The following NRG2 variants were observed in gnomAD, a reference collection of about 807,000 sequenced individuals.
NRG2 encodes the protein neuregulin 2.
In NRG2, 27 loss-of-function variants were observed where a neutral mutation model predicts 73.9. The observed-to-expected ratio is 0.37, with a 90% confidence interval of 0.27 to 0.50. The LOEUF (loss-of-function observed/expected upper bound fraction) is 0.50. NRG2 is among the 20% of genes least tolerant of loss of function. The probability of loss-of-function intolerance (pLI) is 0.96; values close to 1 mark genes in which losing one functional copy is unlikely to be tolerated. For synonymous variants in NRG2, 532 were observed against 541.0 expected (o/e 0.98, Z 0.23); for missense variants, 1,126 against 1,210.1 (o/e 0.93, Z 1.03).
chr5:139,952,170 C>T (rs1348403735), intron 1 of NRG2, among the ~76,000 whole-genome samples: 1 of 152,218 alleles, frequency 6.6e-6, no homozygotes, highest in Admixed American at 6.5e-5. Flanking sequence ...CAGTGCCTGA[C>T]ACATAGTTGG....
At chr5:140,000,240 C>A (rs1180387246) in intron 1 of NRG2, among the ~76,000 whole-genome samples, 1 of 152,176 alleles carries the variant, frequency 6.6e-6, no homozygotes, top group East Asian at 1.9e-4. Flanking sequence ...GCATTCTCTC[C>A]CTTATAATTT....
intron 1 of NRG2, among the ~76,000 whole-genome samples, chr5:139,929,979 T>C (rs59270745): frequency 0.013 from 1,952 of 152,332 alleles, 31 homozygotes; most frequent in African/African-American, 0.044. Flanking sequence ...GAATTCGTGA[T>C]GTCACATAGG....
intron 1 of NRG2, among the ~76,000 whole-genome samples, chr5:139,925,137 G>T (rs1751957332): frequency 6.6e-6 from 1 of 152,204 alleles, no homozygotes. Flanking sequence ...GAGTGTGTCA[G>T]TTCATCCATA....
At chr5:139,859,878 A>G (rs1350588538) in intron 5 of NRG2, 6 of 1,611,724 alleles carry the variant, frequency 3.7e-6, no homozygotes, top group Non-Finnish European at 4.2e-6. Context: ...TGACACACAG[A>G]GGTTTCATAC....
intron 1 of NRG2, among the ~76,000 whole-genome samples, chr5:139,970,218 A>G (rs79269031): frequency 2.4e-4 from 36 of 152,372 alleles, no homozygotes; most frequent in East Asian, 2.1e-3. Context: ...TAAAACATCA[A>G]CCAAGATGGT....
Position 139,850,985 on chromosome 5 carries a change from C to CT in NRG2, c.1772+618dup, listed in dbSNP as rs796642299. Among the ~76,000 whole-genome samples, 750 of 144,624 alleles carry CT rather than the reference C, an allele frequency of 5.2e-3. 4 individuals carry two copies. The highest frequency in any genetic ancestry group is 0.013 in the African/African-American group (533 of 39,532). 94.9% of individuals were successfully genotyped at this position (144,624 alleles called of 152,430 possible). Reference sequence around the variant, plus strand: ...TTGTCCAGAACAGCCCCTGTTTGTTCTTTTTTTTTTTTTCTTTTTGTAAAG... The same window carrying CT: ...TTGTCCAGAACAGCCCCTGTTTGTTCTTTTTTTTTTTTTTCTTTTTGTAAAG... On this transcript the variant is annotated intron_variant, in intron 9 of 9. Transcript: ENST00000361474.
chr5:140,043,034 C>T lies in NRG2; in HGVS notation c.36G>A (p.Pro12=). The T allele has an allele frequency of 2.6e-6, 4 of 1,536,982 alleles. No homozygotes were observed. The highest frequency in any genetic ancestry group is 1.4e-5 in the African/African-American group (1 of 72,906). ...RQVCCSALPP[P]PLEKGRCSSY... ...TGCTGCACCGACCCTTCTCCAGTGG[C>T]GGCGGCGGCAGCGCTGAGCAGCAAA... The change falls in exon 1 of 10, where the codon CCG becomes CCA. Residue 12 remains proline (P), a synonymous_variant. Coordinates refer to ENST00000361474, the MANE Select transcript of NRG2 (RefSeq NM_004883.3). This position sits in a 1 kb window ranked among gnomAD's most constrained non-coding sequence, Gnocchi z 6.7.
intron 1 of NRG2, among the ~76,000 whole-genome samples, chr5:140,041,804 C>T (rs1761941286): frequency 6.6e-6 from 1 of 152,116 alleles, no homozygotes; most frequent in Non-Finnish European, 1.5e-5. Context: ...CAGAAAAAGT[C>T]CAACTCTGCC....
chr5:139,894,805 G>A lies in NRG2; in HGVS notation c.701-7294C>T, dbSNP rs1764453074. Among the ~76,000 whole-genome samples, 1 of 152,198 alleles carries A rather than the reference G, an allele frequency of 6.6e-6. No homozygotes were observed. Among genetic ancestry groups the A allele is most frequent in the South Asian group, 2.1e-4 (1 of 4,834 alleles). Reference sequence around the variant, plus strand: ...GGTGTCGGGTTGGTCTCTGCCTCCTGTTTAGGGCTCCCACAGAGGCTGATC... The same window carrying A: ...GGTGTCGGGTTGGTCTCTGCCTCCTATTTAGGGCTCCCACAGAGGCTGATC... On this transcript the variant is annotated intron_variant, in intron 1 of 9. Transcript: ENST00000361474. This position sits in a 1 kb window ranked among gnomAD's most constrained non-coding sequence, Gnocchi z 5.0.
chr5:139,884,982 CCA>C (rs1763772243), intron 2 of NRG2, among the ~76,000 whole-genome samples: 1 of 151,998 alleles, frequency 6.6e-6, no homozygotes, highest in Non-Finnish European at 1.5e-5. Context: ...TCTGGTTGAG[CCA>C]CAGTTGAGAG....
intron 1 of NRG2, among the ~76,000 whole-genome samples, chr5:140,036,618 C>T (rs1761526459): frequency 6.6e-6 from 1 of 152,208 alleles, no homozygotes; most frequent in African/African-American, 2.4e-5. Flanking sequence ...AATTCATAAA[C>T]TGGACTTATT....
rs747268987 is a variant in NRG2 at position 139,904,416 on chromosome 5, C to T, written c.701-16905G>A. On this transcript the variant is annotated intron_variant, in intron 1 of 9. Coordinates refer to ENST00000361474, the MANE Select transcript of NRG2 (RefSeq NM_004883.3). The surrounding 1 kb of genome is among the most constrained non-coding windows in gnomAD (Gnocchi z 6.0). ...CCGACATTCTGCACGGGGTCCCAGG[C>T]GGTGGGACGGCCTCAGCTCTCCGCT... is the stretch of plus-strand genomic sequence containing the variant. 12 of 1,437,924 alleles carry T rather than the reference C, an allele frequency of 8.3e-6. No homozygotes were observed. Among genetic ancestry groups the T allele is most frequent in the Non-Finnish European group, 9.6e-6 (10 of 1,045,328 alleles). The allele number at this position is 1,437,924 out of a possible 1,614,324, so 89.1% of individuals were successfully genotyped here. A position where few individuals can be genotyped will look rare whatever the true frequency, so the allele number is the denominator to read the frequency against.
At chr5:139,885,876 C>G (rs968336822) in intron 2 of NRG2, among the ~76,000 whole-genome samples, 1 of 151,990 alleles carries the variant, frequency 6.6e-6, no homozygotes, top group Non-Finnish European at 1.5e-5. Context: ...AGGGGAGAAA[C>G]CATCTTCTAG....
chr5:139,904,268 C>G lies in NRG2; in HGVS notation c.701-16757G>C. The G allele has an allele frequency of 6.3e-7, 1 of 1,577,218 alleles. No individual in the cohort carries two copies. On this transcript the variant is annotated intron_variant, in intron 1 of 9. Coordinates refer to ENST00000361474, the MANE Select transcript of NRG2 (RefSeq NM_004883.3). The surrounding 1 kb of genome is among the most constrained non-coding windows in gnomAD (Gnocchi z 6.0). Reference sequence around the variant, plus strand: ...GGGTGAGCGGGCGGCAGGTTTCTCCCAGGGAAACCGGGTTTCTGGGCGCGC... The same window carrying G: ...GGGTGAGCGGGCGGCAGGTTTCTCCGAGGGAAACCGGGTTTCTGGGCGCGC...
chr5:139,930,794 G>A (rs1752417595), intron 1 of NRG2, among the ~76,000 whole-genome samples: 1 of 152,220 alleles, frequency 6.6e-6, no homozygotes, highest in East Asian at 1.9e-4. Context: ...CACAGCCAGG[G>A]CTAAAGCAGA....
intron 1 of NRG2, among the ~76,000 whole-genome samples, chr5:139,951,117 G>GC (rs1235464047): frequency 6.6e-6 from 1 of 152,212 alleles, no homozygotes; most frequent in Non-Finnish European, 1.5e-5. Context: ...TTTTTCCACT[G>GC]CCCCATGCTA....
At chr5:139,871,948 G>T in intron 3 of NRG2, 107 bp from the exon 4 acceptor site, 1 of 1,466,566 alleles carries the variant, frequency 6.8e-7, no homozygotes, top group Non-Finnish European at 9.2e-7. Flanking sequence ...ACCAGAGGCT[G>T]CAGGAATGAC....
Position 139,888,115 on chromosome 5 carries a change from A to AAAACACACACACAC in NRG2, c.701-605_701-604insGTGTGTGTGTGTTT, listed in dbSNP as rs370887031. The stretch of plus-strand genomic sequence containing the variant: ...CCACCACCAAAATACAAAACAAAAC[A>AAAACACACACACAC]ACACACACACACACACACACACACC... On this transcript the variant is annotated intron_variant, in intron 1 of 9. Transcript: ENST00000361474. 3.8e-3 allele frequency among the ~76,000 whole-genome samples: 573 copies of AAAACACACACACAC among 148,898 alleles called. 1 individual carries two copies. The highest frequency in any genetic ancestry group is 0.013 in the African/African-American group (529 of 40,608).
In NRG2 at chr5:139,853,915, T is replaced by A. The variant is rs1260536343; in HGVS notation, c.1293-888A>T. Among the ~76,000 whole-genome samples, 2 of 152,194 alleles carry A rather than the reference T, an allele frequency of 1.3e-5. No individual in the cohort carries two copies. The highest frequency in any genetic ancestry group is 4.8e-5 in the African/African-American group (2 of 41,428). The stretch of plus-strand genomic sequence containing the variant: ...AATTATACATTTAAAAGAGTATAAC[T>A]GGATTGCTTGTAACACAAAGGTCCA... On this transcript the variant is annotated intron_variant, in intron 6 of 9. Coordinates refer to ENST00000361474, the MANE Select transcript of NRG2 (RefSeq NM_004883.3). This position sits in a 1 kb window ranked among gnomAD's most constrained non-coding sequence, Gnocchi z 4.1.
Sources: allele counts gnomAD v4.1 joint callset (sites outside exome capture counted in the v4.1 genomes callset), GRCh38; gene constraint gnomAD v4.1.1; non-coding constraint Gnocchi (gnomAD v3.1); transcripts MANE v1.5; gene names NCBI Gene and HGNC (gene_info 2026-07-23, HGNC 2026-07-21).